The following RBM20 variants were observed in gnomAD, a reference collection of about 807,000 sequenced individuals.
The protein encoded by RBM20 is RNA binding motif protein 20.
A neutral mutation model predicts 110.1 loss-of-function variants in RBM20; 51 were observed. The observed-to-expected ratio is 0.46, with a 90% CI of 0.37 to 0.59. The LOEUF (loss-of-function observed/expected upper bound fraction) is 0.59. Ranked by LOEUF, RBM20 falls within the 20% of genes least tolerant of loss-of-function variation. RBM20 has a pLI of 0.00. For synonymous variants in RBM20, 589 were observed against 618.2 expected, an observed-to-expected ratio of 0.95 and a Z score of 0.70; for missense variants, 1,512 against 1,574.9, an observed-to-expected ratio of 0.96 and a Z score of 0.68.
chr10:110,694,130 C>T (rs561013481), intron 1 of RBM20, among the ~76,000 whole-genome samples: 3 of 152,294 alleles, frequency 2.0e-5, no homozygotes, highest in African/African-American at 7.2e-5. Flanking sequence ...ATTCATGCAA[C>T]AAGCATTTGC....
Position 110,781,632 on chromosome 10 carries a change from A to G in RBM20, c.1023A>G (p.Pro341=). 3 of 1,549,436 alleles carry G rather than the reference A, an allele frequency of 1.9e-6. No homozygotes were observed. The highest frequency in any genetic ancestry group is 2.6e-6 in the Non-Finnish European group (3 of 1,145,370). ...PDLTAGPMWP[P]PHNQPYELYD... is the part of the protein sequence containing the mutation. ...TCACAGCAGGTCCCATGTGGCCTCC[A>G]CCCCACAACCAGCCCTATGAGCTGT... The change falls in exon 2 of 14, where the codon CCA becomes CCG. Residue 341 remains proline (P), a synonymous_variant. Transcript: ENST00000369519.
At chr10:110,662,476 T>C (rs1367707321) in intron 1 of RBM20, among the ~76,000 whole-genome samples, 3 of 152,180 alleles carry the variant, frequency 2.0e-5, no homozygotes, top group Non-Finnish European at 4.4e-5. Context: ...TTCATTCACA[T>C]TTCTCTCAGA....
Position 110,812,463 on chromosome 10 carries a change from A to T in RBM20, c.2066A>T (p.Asp689Val). The T allele has an allele frequency of 6.4e-7, 1 of 1,551,648 alleles. No homozygotes were observed. The highest frequency in any genetic ancestry group is 1.2e-5 in the South Asian group (1 of 84,064). Residue 689 changes from aspartate (D) to valine (V), a missense_variant, in exon 9 of 14, where the codon GAC (aspartate) becomes GTC (valine). Physicochemically the swap from Asp to Val is radical, Grantham distance 152. Around this residue, in one of 3 missense-constraint regions of RBM20, gnomAD observed 1,149 missense variants for 1,169.4 expected, o/e 0.98. Coordinates refer to ENST00000369519, the MANE Select transcript of RBM20 (RefSeq NM_001134363.3). ...TATGCCAGGAGGGAGGAAGAGCGAG[A>T]CCCGGCTCCCTGGAGGGACAACGGA... ...SPYARREEER[D>V]PAPWRDNGDD...
Position 110,815,351 on chromosome 10 carries a change from C to T in RBM20, c.2550+2404C>T, listed in dbSNP as rs527361098. Among the ~76,000 whole-genome samples the T allele has an allele frequency of 9.8e-5, 15 of 152,286 alleles. 1 individual carries two copies. The East Asian group carries it at 1.9e-3, about 20-fold the overall frequency. On this transcript the variant is annotated intron_variant, in intron 9 of 13. Coordinates refer to ENST00000369519, the MANE Select transcript of RBM20 (RefSeq NM_001134363.3). ...TTTTTGCCCATTACAAAGTCTGCCA[C>T]GATTTTTCCTAACTGGCATAGCAGG... is the stretch of plus-strand genomic sequence containing the variant.
intron 1 of RBM20, among the ~76,000 whole-genome samples, chr10:110,678,980 G>T (rs1314701369): frequency 1.3e-5 from 2 of 152,168 alleles, no homozygotes. Context: ...GGTTTAATAT[G>T]CAGGTTCTCG....
intron 1 of RBM20, among the ~76,000 whole-genome samples, chr10:110,725,775 C>T (rs1284348732): frequency 6.6e-6 from 1 of 152,212 alleles, no homozygotes; most frequent in Non-Finnish European, 1.5e-5. Context: ...ATCTGTTGCT[C>T]TTGTAAAACC....
chr10:110,817,436 A>C (rs1298900319), intron 9 of RBM20, among the ~76,000 whole-genome samples: 1 of 152,106 alleles, frequency 6.6e-6, no homozygotes, highest in Non-Finnish European at 1.5e-5. Flanking sequence ...CCTAGACAAG[A>C]CCCAACCATG....
intron 7 of RBM20, among the ~76,000 whole-genome samples, chr10:110,802,383 CTTTTTT>C (rs200758964): frequency 3.0e-5 from 4 of 135,210 alleles, no homozygotes; most frequent in African/African-American, 5.3e-5. Flanking sequence ...CAGAACCTGG[CTTTTTT>C]TTTTTTTTTT....
At chr10:110,667,813 G>A (rs1199300991) in intron 1 of RBM20, among the ~76,000 whole-genome samples, 2 of 152,176 alleles carry the variant, frequency 1.3e-5, no homozygotes, top group African/African-American at 4.8e-5. Flanking sequence ...GCCATCCAGT[G>A]TGGCCTTTGA....
At chr10:110,645,778 T>C (rs1861859240) in intron 1 of RBM20, among the ~76,000 whole-genome samples, 1 of 152,200 alleles carries the variant, frequency 6.6e-6, no homozygotes, top group Non-Finnish European at 1.5e-5. Flanking sequence ...CAGAACAAAA[T>C]GGTTCCCTAT....
At chr10:110,680,763 A>G (rs1255568004) in intron 1 of RBM20, among the ~76,000 whole-genome samples, 1 of 151,936 alleles carries the variant, frequency 6.6e-6, no homozygotes, top group Non-Finnish European at 1.5e-5. Context: ...CACCTATACC[A>G]GGTTTGATCA....
At chr10:110,709,782 G>A (rs986448366) in intron 1 of RBM20, among the ~76,000 whole-genome samples, 1 of 151,736 alleles carries the variant, frequency 6.6e-6, no homozygotes, top group Non-Finnish European at 1.5e-5. Flanking sequence ...TTGTTGCCAG[G>A]CGGGTCTCAA....
At chr10:110,784,557 A>G in intron 4 of RBM20, 125 bp downstream of exon 4, 1 of 787,026 alleles carries the variant, frequency 1.3e-6, no homozygotes, top group East Asian at 2.7e-5. Flanking sequence ...GAAAGCAAAC[A>G]GATCCCAAGA....
In RBM20 at chr10:110,685,199, T is replaced by G. The variant is rs566151155; in HGVS notation, c.191+40554T>G. On this transcript the variant is annotated intron_variant, in intron 1 of 13. Coordinates refer to ENST00000369519, the MANE Select transcript of RBM20 (RefSeq NM_001134363.3). ...CTTGTCATCTTGTCCTTGGCGGGCC[T>G]GTCAAAAAGAAGTTATTTTGAAAGC... Among the ~76,000 whole-genome samples, 4 of 152,344 alleles carry G rather than the reference T, an allele frequency of 2.6e-5. No homozygotes were observed. The South Asian group carries it at 6.2e-4, about 24-fold the overall frequency.
At chr10:110,794,562 A>G (rs1844526639) in intron 5 of RBM20, among the ~76,000 whole-genome samples, 1 of 152,222 alleles carries the variant, frequency 6.6e-6, no homozygotes. Context: ...AGGGATCAAT[A>G]TCTTGGCACT....
At chr10:110,816,954 T>C (rs1039711347) in intron 9 of RBM20, among the ~76,000 whole-genome samples, 11 of 152,352 alleles carry the variant, frequency 7.2e-5, no homozygotes, top group Non-Finnish European at 1.5e-4. Context: ...GAGAAGCCAG[T>C]GTGCGTGCTG....
At chr10:110,778,941 C>A (rs879230673) in intron 1 of RBM20, among the ~76,000 whole-genome samples, 2 of 152,188 alleles carry the variant, frequency 1.3e-5, no homozygotes, top group South Asian at 4.1e-4. Context: ...CGGTGAGAGT[C>A]TGCTATTGTC....
intron 5 of RBM20, among the ~76,000 whole-genome samples, chr10:110,790,221 T>C (rs377147204): frequency 3.2e-4 from 49 of 152,348 alleles, no homozygotes; most frequent in African/African-American, 1.1e-3. Flanking sequence ...GCCCTGGCCC[T>C]CTGAATGCAT....
chr10:110,712,880 T>G (rs1242844796), intron 1 of RBM20, among the ~76,000 whole-genome samples: 1 of 152,270 alleles, frequency 6.6e-6, no homozygotes, highest in Non-Finnish European at 1.5e-5. Context: ...AAACTGTTTT[T>G]GCTCTTTTCT....
Sources: gnomAD v4.1 joint callset for allele counts (sites outside exome capture counted in the v4.1 genomes callset) on GRCh38, gnomAD v4.1.1 for gene constraint, gnomAD v4.1.1 regional missense constraint, MANE v1.5 for transcripts, NCBI Gene and HGNC (gene_info 2026-07-23, HGNC 2026-07-21) for gene names.